TMEM117: variants seen among roughly 807,000 people sequenced by gnomAD.
The protein encoded by TMEM117 is transmembrane protein 117.
A neutral mutation model predicts 52.4 loss-of-function variants in TMEM117; 27 were observed. The ratio of observed to expected loss-of-function variants is 0.51; its 90% confidence interval spans 0.38 to 0.71. TMEM117 has a LOEUF of 0.71. Ranked by LOEUF, TMEM117 falls within the 30% of genes least tolerant of loss-of-function variation. The pLI, the probability that TMEM117 is intolerant of heterozygous loss-of-function variation, is 0.00. For synonymous variants in TMEM117, 215 were observed against 206.3 expected, an observed-to-expected ratio of 1.04 and a Z score of -0.36; for missense variants, 556 against 630.5, an observed-to-expected ratio of 0.88 and a Z score of 1.26.
chr12:43,830,277 G>A, the TMEM117 span, among the ~76,000 whole-genome samples: 3 of 151,966 alleles, frequency 2.0e-5, no homozygotes, highest in African/African-American at 7.3e-5. Context: ...TGGTGTGACT[G>A]CTAGCCCACC....
intron 5 of TMEM117, among the ~76,000 whole-genome samples, chr12:44,239,993 A>C (rs977332082): frequency 6.6e-6 from 1 of 152,122 alleles, no homozygotes; most frequent in Non-Finnish European, 1.5e-5. Context: ...TAACTTACAG[A>C]AATGACTTTT....
At chr12:44,248,622 A>T (rs1009847172) in intron 5 of TMEM117, 3 of 159,790 alleles carry the variant, frequency 1.9e-5, no homozygotes, top group African/African-American at 7.2e-5. Flanking sequence ...ACTGCTGCCC[A>T]CTCCTCCCGT....
intron 3 of TMEM117, among the ~76,000 whole-genome samples, chr12:44,052,713 A>G (rs1946993561): frequency 6.6e-6 from 1 of 152,160 alleles, no homozygotes; most frequent in African/African-American, 2.4e-5. Context: ...CCCAGGGGAA[A>G]TAGTCCCATG....
intron 3 of TMEM117, among the ~76,000 whole-genome samples, chr12:43,996,790 C>T (rs1017895605): frequency 1.3e-5 from 2 of 152,078 alleles, no homozygotes; most frequent in Admixed American, 1.3e-4. Flanking sequence ...AGTCTTTAGT[C>T]GGATCAGAGA....
chr12:44,120,977 T>G (rs1285517323), intron 3 of TMEM117, among the ~76,000 whole-genome samples: 1 of 152,198 alleles, frequency 6.6e-6, no homozygotes, highest in Non-Finnish European at 1.5e-5. Context: ...AGAAAGAGGT[T>G]TATTGGACTT....
intron 3 of TMEM117, among the ~76,000 whole-genome samples, chr12:44,105,182 G>T (rs1947931664): frequency 6.6e-6 from 1 of 150,420 alleles, no homozygotes; most frequent in Non-Finnish European, 1.5e-5. Flanking sequence ...TTTTCCCTTT[G>T]ATTTTCAATA....
intron 2 of TMEM117, among the ~76,000 whole-genome samples, chr12:43,897,615 T>C (rs1032129301): frequency 6.6e-6 from 1 of 151,972 alleles, no homozygotes; most frequent in Non-Finnish European, 1.5e-5. Flanking sequence ...GCCTGGACTT[T>C]TCTTTTTTTA....
intron 3 of TMEM117, among the ~76,000 whole-genome samples, chr12:44,131,012 CTTAT>C (rs1438580337): frequency 1.3e-5 from 2 of 151,934 alleles, no homozygotes; most frequent in South Asian, 2.1e-4. Context: ...TTCTTTACTG[CTTAT>C]TTAATTGAAG....
At chr12:44,078,780 T>C (rs554180229) in intron 3 of TMEM117, among the ~76,000 whole-genome samples, 2 of 152,232 alleles carry the variant, frequency 1.3e-5, no homozygotes, top group South Asian at 4.1e-4. Context: ...TATATAGGTA[T>C]ACACATGCCA....
intron 3 of TMEM117, among the ~76,000 whole-genome samples, chr12:44,008,355 AAC>A (rs1946235020): frequency 1.3e-5 from 2 of 152,222 alleles, no homozygotes; most frequent in Admixed American, 1.3e-4. Flanking sequence ...AGCTTCGAAT[AAC>A]CAGATACATA....
At chr12:43,819,400 C>A in the TMEM117 span, among the ~76,000 whole-genome samples, 2 of 152,140 alleles carry the variant, frequency 1.3e-5, no homozygotes, top group Non-Finnish European at 2.9e-5. Flanking sequence ...TATTGCATTT[C>A]CCCTTATGGT....
At chr12:44,066,475 T>G (rs905115026) in intron 3 of TMEM117, among the ~76,000 whole-genome samples, 47 of 152,160 alleles carry the variant, frequency 3.1e-4, no homozygotes, top group Non-Finnish European at 6.2e-4. Flanking sequence ...ACCCCTTCCT[T>G]GGGAGATATG....
chr12:43,812,089 A>AG, the TMEM117 span, among the ~76,000 whole-genome samples: 1 of 152,228 alleles, frequency 6.6e-6, no homozygotes, highest in East Asian at 1.9e-4. Context: ...GCAAAAAAAA[A>AG]AAGTTTAAGA....
chr12:44,286,557 T>A (rs1950641379), intron 5 of TMEM117, among the ~76,000 whole-genome samples: 1 of 152,108 alleles, frequency 6.6e-6, no homozygotes, highest in Non-Finnish European at 1.5e-5. Flanking sequence ...AATGACTGCT[T>A]TCAGGCTGAC....
At chr12:44,216,556 G>A (rs1026615284) in intron 5 of TMEM117, among the ~76,000 whole-genome samples, 1 of 152,192 alleles carries the variant, frequency 6.6e-6, no homozygotes, top group Non-Finnish European at 1.5e-5. Flanking sequence ...GCTGAAATTT[G>A]TGTATTAAGG....
chr12:44,063,714 G>A (rs998512982), intron 3 of TMEM117, among the ~76,000 whole-genome samples: 6 of 149,948 alleles, frequency 4.0e-5, no homozygotes, highest in East Asian at 2.0e-4. Flanking sequence ...GAGAACATGC[G>A]ACGTTTGGTA....
chr12:44,078,404 A>G (rs1008570619), intron 3 of TMEM117, among the ~76,000 whole-genome samples: 1 of 152,212 alleles, frequency 6.6e-6, no homozygotes. Flanking sequence ...ACGTTCTAGG[A>G]AAGTGGCTGT....
intron 3 of TMEM117, among the ~76,000 whole-genome samples, chr12:44,024,476 C>T (rs1946501723): frequency 6.6e-6 from 1 of 151,782 alleles, no homozygotes; most frequent in Non-Finnish European, 1.5e-5. Flanking sequence ...GAAACAAGAG[C>T]AGGGGGATTA....
At chr12:43,886,572 T>C (rs1222245632) in intron 2 of TMEM117, among the ~76,000 whole-genome samples, 1 of 152,156 alleles carries the variant, frequency 6.6e-6, no homozygotes, top group African/African-American at 2.4e-5. Flanking sequence ...AGCAATAATT[T>C]GAGGGGGACA....
Sources: gnomAD v4.1 joint callset for allele counts (sites outside exome capture counted in the v4.1 genomes callset) on GRCh38, gnomAD v4.1.1 for gene constraint, MANE v1.5 for transcripts, NCBI Gene and HGNC (gene_info 2026-07-23, HGNC 2026-07-21) for gene names.